RAP1GDS1: variants seen among roughly 807,000 people sequenced by gnomAD.
RAP1GDS1 encodes RAP1, GTP-GDP dissociation stimulator 1.
RAP1GDS1 carries 35 observed loss-of-function variants against 71.1 expected under a neutral mutation model. The ratio of observed to expected loss-of-function variants is 0.49; its 90% CI spans 0.38 to 0.65. The LOEUF is 0.65. Ranked by LOEUF, RAP1GDS1 falls within the 30% of genes least tolerant of loss-of-function variation. The pLI is 0.00. For synonymous variants in RAP1GDS1, 229 were observed against 243.1 expected, an observed-to-expected ratio of 0.94 and a Z score of 0.54; for missense variants, 663 against 706.1, an observed-to-expected ratio of 0.94 and a Z score of 0.69.
chr4:98,441,773 T>G, intron 14 of RAP1GDS1: 1 of 559,150 alleles, frequency 1.8e-6, no homozygotes, highest in Non-Finnish European at 2.3e-6. Flanking sequence ...TCTTTAAAAT[T>G]TTTTCCTTTA....
At chr4:98,377,842 GAATAGTAC>G (rs1189373257) in intron 4 of RAP1GDS1, among the ~76,000 whole-genome samples, 2 of 151,796 alleles carry the variant, frequency 1.3e-5, no homozygotes, top group Non-Finnish European at 1.5e-5. Flanking sequence ...TTCTGTAGCT[GAATAGTAC>G]AGTGTGGTAG....
At chr4:98,342,290 A>G (rs1439543849) in intron 2 of RAP1GDS1, among the ~76,000 whole-genome samples, 1 of 152,198 alleles carries the variant, frequency 6.6e-6, no homozygotes, top group Non-Finnish European at 1.5e-5. Context: ...TAAAGGACAT[A>G]GAGGAGCTAC....
chr4:98,364,067 G>C (rs1314194029), intron 4 of RAP1GDS1, among the ~76,000 whole-genome samples: 1 of 151,966 alleles, frequency 6.6e-6, no homozygotes, highest in Non-Finnish European at 1.5e-5. Flanking sequence ...TTTGCTGCAG[G>C]CATTATTAAG....
intron 2 of RAP1GDS1, among the ~76,000 whole-genome samples, chr4:98,307,476 ACTT>A (rs1729496241): frequency 1.3e-5 from 2 of 152,036 alleles, no homozygotes; most frequent in South Asian, 4.1e-4. Context: ...AGAATTGAAA[ACTT>A]CTCAATATTT....
At chr4:98,378,969 G>A (rs772462012) in intron 4 of RAP1GDS1, 48 bp from the exon 5 acceptor site, 6 of 1,453,030 alleles carry the variant, frequency 4.1e-6, no homozygotes, top group Non-Finnish European at 5.6e-6. Flanking sequence ...AAATTGTAAG[G>A]TACATTTCTT....
intron 5 of RAP1GDS1, among the ~76,000 whole-genome samples, chr4:98,391,620 A>G (rs1474791867): frequency 3.3e-5 from 5 of 152,110 alleles, no homozygotes; most frequent in Admixed American, 2.6e-4. Flanking sequence ...TTTTCACTCA[A>G]AAACTAATGG....
intron 2 of RAP1GDS1, among the ~76,000 whole-genome samples, chr4:98,298,593 T>C (rs1321577976): frequency 1.3e-5 from 2 of 152,208 alleles, no homozygotes; most frequent in Non-Finnish European, 2.9e-5. Flanking sequence ...CTGAATGTTT[T>C]AAGCCCACTG....
chr4:98,356,409 T>G (rs2110431679), intron 4 of RAP1GDS1, among the ~76,000 whole-genome samples: 1 of 152,234 alleles, frequency 6.6e-6, no homozygotes, highest in Admixed American at 6.5e-5. Context: ...AGCTTTATGT[T>G]AAATTCCCAT....
At chr4:98,273,068 CATTGT>C (rs1723717592) in intron 1 of RAP1GDS1, among the ~76,000 whole-genome samples, 1 of 152,160 alleles carries the variant, frequency 6.6e-6, no homozygotes, top group South Asian at 2.1e-4. Context: ...CTCAATTGGT[CATTGT>C]CGACTTCTCA....
intron 14 of RAP1GDS1, among the ~76,000 whole-genome samples, chr4:98,438,821 C>T (rs1214057963): frequency 6.6e-6 from 1 of 151,814 alleles, no homozygotes; most frequent in African/African-American, 2.4e-5. Flanking sequence ...TACTGAACTC[C>T]TGACCACCCG....
At chr4:98,371,888 A>G (rs1442013175) in intron 4 of RAP1GDS1, among the ~76,000 whole-genome samples, 1 of 152,200 alleles carries the variant, frequency 6.6e-6, no homozygotes, top group African/African-American at 2.4e-5. Context: ...TGGGTTAATT[A>G]TAGACAGCAT....
At chr4:98,262,289 C>T (rs1722125221) in intron 1 of RAP1GDS1, among the ~76,000 whole-genome samples, 1 of 152,178 alleles carries the variant, frequency 6.6e-6, no homozygotes, top group Non-Finnish European at 1.5e-5. Context: ...CAGGAAACTG[C>T]GCCCTGTAAC....
intron 6 of RAP1GDS1, among the ~76,000 whole-genome samples, chr4:98,398,533 C>G (rs1309288972): frequency 6.6e-6 from 1 of 152,086 alleles, no homozygotes; most frequent in Non-Finnish European, 1.5e-5. Flanking sequence ...TGTCTCAAAA[C>G]AACATTGGCA....
chr4:98,307,925 G>C (rs922060848), intron 2 of RAP1GDS1, among the ~76,000 whole-genome samples: 1 of 151,978 alleles, frequency 6.6e-6, no homozygotes, highest in Non-Finnish European at 1.5e-5. Context: ...GATACTGATG[G>C]TATGGCCCTT....
At chr4:98,407,468 T>TAC (rs568505447) in intron 7 of RAP1GDS1, among the ~76,000 whole-genome samples, 6,220 of 149,016 alleles carry the variant, frequency 0.042, 241 homozygotes, top group African/African-American at 0.1. Flanking sequence ...GGGGTGTGTA[T>TAC]ACACACACAC....
intron 6 of RAP1GDS1, among the ~76,000 whole-genome samples, chr4:98,400,161 T>A (rs1291154304): frequency 1.3e-5 from 2 of 150,318 alleles, no homozygotes; most frequent in Admixed American, 6.6e-5. Context: ...CATCTCAGTT[T>A]AAAAAAAAAC....
chr4:98,442,850 G>A lies in RAP1GDS1; in HGVS notation c.*733G>A, dbSNP rs756965814. ...TCACTATTACAATCCCTATTACAGA[G>A]CATTTCGGGTTTTGCTTGTATTTTA... is the stretch of plus-strand genomic sequence containing the variant. On this transcript the variant is annotated 3_prime_UTR_variant, in exon 15 of 15. Transcript: ENST00000408927. The A allele has an allele frequency of 4.3e-6, 1 of 230,616 alleles. No individual in the cohort carries two copies. The highest frequency in any genetic ancestry group is 8.6e-6 in the Non-Finnish European group (1 of 116,582). The allele number at this position is 230,616 out of a possible 1,614,324, so 14.3% of individuals were successfully genotyped here. A position where few individuals can be genotyped will look rare whatever the true frequency, so the allele number is the denominator to read the frequency against.
chr4:98,358,821 T>C (rs1738310425), intron 4 of RAP1GDS1, among the ~76,000 whole-genome samples: 1 of 151,910 alleles, frequency 6.6e-6, no homozygotes, highest in South Asian at 2.1e-4. Context: ...GTTATGCTAT[T>C]GTGTAGTAGA....
At chr4:98,377,046 A>G (rs1239680009) in intron 4 of RAP1GDS1, among the ~76,000 whole-genome samples, 2 of 151,998 alleles carry the variant, frequency 1.3e-5, no homozygotes, top group African/African-American at 2.4e-5. Flanking sequence ...GTTCATTGCA[A>G]ATAGGTGCCA....
Sources: allele counts gnomAD v4.1 joint callset (sites outside exome capture counted in the v4.1 genomes callset), GRCh38; gene constraint gnomAD v4.1.1; transcripts MANE v1.5; gene names NCBI Gene and HGNC (gene_info 2026-07-23, HGNC 2026-07-21).